SCNN1G: variants seen among roughly 807,000 people sequenced by gnomAD.
The protein encoded by SCNN1G is sodium channel epithelial 1 subunit gamma.
In SCNN1G, 27 loss-of-function variants were observed where a neutral mutation model predicts 64.6. The ratio of observed to expected loss-of-function variants is 0.42; its 90% confidence interval spans 0.31 to 0.58. The LOEUF is 0.58. SCNN1G is among the 20% of genes least tolerant of loss of function. The pLI is 0.18. For synonymous variants in SCNN1G, 330 were observed against 314.2 expected, an observed-to-expected ratio of 1.05 and a Z score of -0.53; for missense variants, 743 against 823.4, an observed-to-expected ratio of 0.90 and a Z score of 1.19.
At chr16:23,206,732 T>C (rs141565044) in intron 6 of SCNN1G, among the ~76,000 whole-genome samples, 20 of 152,232 alleles carry the variant, frequency 1.3e-4, no homozygotes, top group Non-Finnish European at 2.6e-4. Flanking sequence ...CCCACACATA[T>C]ACCCCTATAC....
chr16:23,194,326 G>T (rs1201536206), intron 5 of SCNN1G, 52 bp downstream of exon 5: 2 of 1,258,654 alleles, frequency 1.6e-6, no homozygotes, highest in Non-Finnish European at 1.2e-6. Flanking sequence ...AGTGGACATG[G>T]GGGCAGCAGG....
chr16:23,212,541 T>A, intron 8 of SCNN1G, 137 bp from the exon 9 acceptor site: 1 of 760,904 alleles, frequency 1.3e-6, no homozygotes, highest in African/African-American at 1.7e-5. Flanking sequence ...ATGCAATATG[T>A]GTTTCCAGAG....
At chr16:23,212,392 T>C (rs950554100) in intron 8 of SCNN1G, among the ~76,000 whole-genome samples, 8 of 152,178 alleles carry the variant, frequency 5.3e-5, no homozygotes, top group African/African-American at 1.9e-4. Context: ...ACAGAATAGA[T>C]AACCAAGGCC....
At chr16:23,213,683 G>A (rs1041867400) in intron 11 of SCNN1G, among the ~76,000 whole-genome samples, 10 of 152,174 alleles carry the variant, frequency 6.6e-5, no homozygotes, top group African/African-American at 2.4e-4. Flanking sequence ...GCACTGCTGG[G>A]CCTGCCTGCC....
intron 6 of SCNN1G, among the ~76,000 whole-genome samples, chr16:23,208,447 T>C (rs945815143): frequency 1.3e-5 from 2 of 152,174 alleles, no homozygotes; most frequent in Non-Finnish European, 2.9e-5. Flanking sequence ...TTCTACTCTG[T>C]TGAGCTTTCC....
chr16:23,183,603 A>T (rs1959557226), intron 1 of SCNN1G, among the ~76,000 whole-genome samples: 1 of 152,064 alleles, frequency 6.6e-6, no homozygotes, highest in African/African-American at 2.4e-5. Context: ...AATCCTTCAA[A>T]TCCTTTCTAC....
At chr16:23,207,272 C>T (rs1165479636) in intron 6 of SCNN1G, among the ~76,000 whole-genome samples, 1 of 152,210 alleles carries the variant, frequency 6.6e-6, no homozygotes, top group Non-Finnish European at 1.5e-5. Context: ...CATCTGGATG[C>T]CAGAGTATTA....
chr16:23,202,476 T>G (rs1043973150), intron 6 of SCNN1G, among the ~76,000 whole-genome samples: 3 of 151,968 alleles, frequency 2.0e-5, no homozygotes, highest in African/African-American at 7.3e-5. Context: ...TGCAGGCAAA[T>G]AGTCAAGAAG....
chr16:23,206,177 G>A (rs1038556161), intron 6 of SCNN1G, among the ~76,000 whole-genome samples: 2 of 152,194 alleles, frequency 1.3e-5, no homozygotes, highest in African/African-American at 4.8e-5. Flanking sequence ...TTCTGAGAAG[G>A]TGACTTGGGA....
rs979404418 is a variant in SCNN1G at position 23,200,108 on chromosome 16, A to G, written c.1077+2681A>G. ...TTAAACTTCCTAGCTTTTATCCTTC[A>G]CAAACATATCCTCCAGAGAAGTGGT... is the stretch of plus-strand genomic sequence containing the variant. On this transcript the variant is annotated intron_variant, in intron 6 of 12. Coordinates refer to ENST00000300061, the MANE Select transcript of SCNN1G (RefSeq NM_001039.4). 2.6e-5 allele frequency among the ~76,000 whole-genome samples: 4 copies of G among 152,282 alleles called. No individual in the cohort carries two copies. In the East Asian group the frequency reaches 7.7e-4, roughly 29 times the overall value.
At chr16:23,204,442 AAG>A (rs1230382777) in intron 6 of SCNN1G, among the ~76,000 whole-genome samples, 1 of 144,160 alleles carries the variant, frequency 6.9e-6, no homozygotes, top group Non-Finnish European at 1.5e-5. Flanking sequence ...AAAAAGGAAA[AAG>A]AGGGGTTAGG....
intron 5 of SCNN1G, 145 bp downstream of exon 5, chr16:23,194,419 T>C: frequency 1.4e-6 from 1 of 689,888 alleles, no homozygotes; most frequent in South Asian, 1.6e-5. Flanking sequence ...TTTCTATCAG[T>C]GTTTCCATCA....
intron 6 of SCNN1G, among the ~76,000 whole-genome samples, chr16:23,208,909 A>C (rs1185817183): frequency 6.6e-6 from 1 of 151,896 alleles, no homozygotes; most frequent in Non-Finnish European, 1.5e-5. Context: ...GCCCCTGCTC[A>C]TCTTTCTAAT....
chr16:23,207,284 G>A (rs1004732624), intron 6 of SCNN1G, among the ~76,000 whole-genome samples: 1 of 152,208 alleles, frequency 6.6e-6, no homozygotes, highest in East Asian at 1.9e-4. Flanking sequence ...AGAGTATTAT[G>A]CTTTCCTACC....
At chr16:23,196,273 C>T (rs1156237550) in intron 5 of SCNN1G, 1 of 152,104 alleles carries the variant, frequency 6.6e-6, no homozygotes, top group African/African-American at 2.4e-5. Context: ...AGGGCAAAGG[C>T]CCTGGGAAGG....
intron 6 of SCNN1G, among the ~76,000 whole-genome samples, chr16:23,199,643 TTTTTCTTTTC>T (rs1567265792): frequency 6.7e-6 from 1 of 149,868 alleles, no homozygotes; most frequent in African/African-American, 2.5e-5. Flanking sequence ...CATAATGATG[TTTTTCTTTTC>T]TTTTCTTTTC....
chr16:23,185,485 G>A, intron 1 of SCNN1G, among the ~76,000 whole-genome samples: 1 of 152,160 alleles, frequency 6.6e-6, no homozygotes, highest in East Asian at 1.9e-4. Flanking sequence ...ATTAAATCAA[G>A]GGCATTCTCT....
Position 23,192,559 on chromosome 16 carries a change from G to T in SCNN1G, c.809+17G>T. Reference sequence around the variant, plus strand: ...TGATGCCAGGTCAGGAGAGAATGCTGCTCTCTCAGCCTCTAAGGACTGGCA... The same window carrying T: ...TGATGCCAGGTCAGGAGAGAATGCTTCTCTCTCAGCCTCTAAGGACTGGCA... On this transcript the variant is annotated intron_variant, in intron 4 of 12. Transcript: ENST00000300061. The T allele has an allele frequency of 6.2e-7, 1 of 1,600,124 alleles. No homozygotes were observed. Among genetic ancestry groups the T allele is most frequent in the Non-Finnish European group, 8.5e-7 (1 of 1,170,842 alleles).
intron 1 of SCNN1G, among the ~76,000 whole-genome samples, chr16:23,185,855 G>A: frequency 6.6e-6 from 1 of 152,166 alleles, no homozygotes; most frequent in East Asian, 1.9e-4. Context: ...AGGTGATAAG[G>A]CACGGGTACC....
Sources: allele counts gnomAD v4.1 joint callset (sites outside exome capture counted in the v4.1 genomes callset), GRCh38; gene constraint gnomAD v4.1.1; transcripts MANE v1.5; gene names NCBI Gene and HGNC (gene_info 2026-07-23, HGNC 2026-07-21).